The following SYK variants were observed in gnomAD, a reference collection of about 807,000 sequenced individuals.
SYK encodes spleen associated tyrosine kinase.
Under a neutral mutation model 77.8 loss-of-function variants are expected in SYK, and 16 were observed. The ratio of observed to expected loss-of-function variants is 0.21; its 90% CI spans 0.14 to 0.31. The LOEUF (loss-of-function observed/expected upper bound fraction) is 0.31. Among genes scored for constraint, SYK ranks in the 10% least tolerant of loss-of-function variants. The pLI, the probability that SYK is intolerant of heterozygous loss-of-function variation, is 1.00. For missense variants in SYK, 529 were observed against 814.4 expected (o/e 0.65, Z 4.26); for synonymous variants, 312 against 308.7 (o/e 1.01, Z -0.11).
At chr9:90,887,011 A>G (rs1458243585) in intron 11 of SYK, among the ~76,000 whole-genome samples, 1 of 152,182 alleles carries the variant, frequency 6.6e-6, no homozygotes, top group East Asian at 1.9e-4. Context: ...TTACAAAGTT[A>G]TTTACTTGGT....
At chr9:90,817,845 T>TTGTGTGTGTGTGTG (rs746939088) in intron 1 of SYK, among the ~76,000 whole-genome samples, 5,038 of 137,020 alleles carry the variant, frequency 0.037, 141 homozygotes, top group East Asian at 0.089. Flanking sequence ...CTCAATAATG[T>TTGTGTGTGTGTGTG]TGTGTGTGTG....
chr9:90,874,138 T>C (rs1239012575), intron 7 of SYK, 66 bp from the exon 8 acceptor site: 1 of 1,219,200 alleles, frequency 8.2e-7, no homozygotes. Context: ...TAAAAATAAT[T>C]ATGCAGATCA....
intron 1 of SYK, among the ~76,000 whole-genome samples, chr9:90,806,316 A>T (rs979101318): frequency 2.0e-5 from 3 of 151,794 alleles, no homozygotes; most frequent in African/African-American, 7.3e-5. Flanking sequence ...CTTGTCTAAC[A>T]GTTGCTCTTC....
intron 7 of SYK, among the ~76,000 whole-genome samples, chr9:90,870,885 TG>T (rs1421824286): frequency 3.3e-5 from 5 of 152,214 alleles, no homozygotes; most frequent in African/African-American, 1.2e-4. Context: ...CCCAAGAATC[TG>T]GGAGTAAAAA....
intron 9 of SYK, among the ~76,000 whole-genome samples, chr9:90,876,159 C>T (rs7846754): frequency 0.18 from 27,050 of 151,718 alleles, 2,765 homozygotes; most frequent in Admixed American, 0.3. Flanking sequence ...TGGTGGCATA[C>T]ACCTGTAGTC....
At chr9:90,840,006 G>A (rs565003042) in intron 1 of SYK, among the ~76,000 whole-genome samples, 6 of 152,298 alleles carry the variant, frequency 3.9e-5, no homozygotes, top group East Asian at 3.9e-4. Context: ...AGAGGGAGGC[G>A]TCAGGAAGCA....
At position 90,881,679 on chromosome 9, in the gene SYK, C is replaced by CAAAAAA. The variant is rs10526591; in HGVS notation, c.1581+2732_1581+2737dup. Among the ~76,000 whole-genome samples, 45 of 89,396 alleles carry CAAAAAA rather than the reference C, an allele frequency of 5.0e-4. 3 individuals carry two copies. The highest frequency in any genetic ancestry group is 4.9e-3 in the South Asian group (11 of 2,240). 58.6% of individuals were successfully genotyped at this position (89,396 alleles called of 152,430 possible). On this transcript the variant is annotated intron_variant, in intron 11 of 13. Transcript: ENST00000375754. ...TGGCCAACAGAGCAAGACTCTGTCT[C>CAAAAAA]AAAAAAAAAAAGGAATAAAAAGTGA...
chr9:90,886,127 T>C (rs958265456), intron 11 of SYK, among the ~76,000 whole-genome samples: 1 of 152,022 alleles, frequency 6.6e-6, no homozygotes, highest in African/African-American at 2.4e-5. Context: ...ATACAAATAA[T>C]CCTGTTAAAT....
At chr9:90,832,731 C>T (rs1034158113) in intron 1 of SYK, among the ~76,000 whole-genome samples, 15 of 152,238 alleles carry the variant, frequency 9.9e-5, no homozygotes, top group African/African-American at 1.9e-4. Flanking sequence ...TTGCTTCTCT[C>T]GCCCAACTCC....
At chr9:90,838,682 T>C (rs1473173238) in intron 1 of SYK, among the ~76,000 whole-genome samples, 1 of 152,136 alleles carries the variant, frequency 6.6e-6, no homozygotes, top group Non-Finnish European at 1.5e-5. Context: ...CTCAGTTTCG[T>C]GCTTTGGAAT....
intron 1 of SYK, among the ~76,000 whole-genome samples, chr9:90,829,685 A>C (rs115046185): frequency 1.2e-3 from 179 of 152,356 alleles, no homozygotes; most frequent in African/African-American, 4.2e-3. Context: ...TGCCTGACAT[A>C]ATGACTTGCA....
At position 90,897,454 on chromosome 9, in the gene SYK, T is replaced by C. The variant is rs1286215235; in HGVS notation, c.*1854T>C. The C allele has an allele frequency of 4.3e-6, 1 of 232,404 alleles. No individual in the cohort carries two copies. The highest frequency in any genetic ancestry group is 6.1e-5 in the East Asian group (1 of 16,480). The allele number at this position is 232,404 out of a possible 1,614,324, so 14.4% of individuals were successfully genotyped here. ...GGTGTAAAATTATGAAAGGAGTGGT[T>C]GGATGTGCCAAGTTTGGTAAAGTGG... is the stretch of plus-strand genomic sequence containing the variant. On this transcript the variant is annotated 3_prime_UTR_variant, in exon 14 of 14. Coordinates refer to ENST00000375754, the MANE Select transcript of SYK (RefSeq NM_003177.7).
At chr9:90,837,911 C>G (rs4744513) in intron 1 of SYK, among the ~76,000 whole-genome samples, 95,487 of 152,116 alleles carry the variant, frequency 0.63, 30,775 homozygotes, top group African/African-American at 0.75. Flanking sequence ...CCCTGCATCA[C>G]TGTGAGTGGC....
intron 1 of SYK, among the ~76,000 whole-genome samples, chr9:90,817,868 TGTGTGTGTGTGTGTGAGAGA>T (rs1441391768): frequency 1.8e-3 from 78 of 42,288 alleles, no homozygotes; most frequent in African/African-American, 3.9e-3. Context: ...TGTGTGTGTG[TGTGTGTGTGTGTGTGAGAGA>T]GAGAGAGAGA....
chr9:90,868,592 TA>T (rs1827609475), intron 7 of SYK, among the ~76,000 whole-genome samples: 2 of 152,216 alleles, frequency 1.3e-5, no homozygotes, highest in Non-Finnish European at 1.5e-5. Context: ...CAAATATAAA[TA>T]GTTCTTAAAC....
intron 1 of SYK, among the ~76,000 whole-genome samples, chr9:90,803,744 G>C (rs1824706538): frequency 6.6e-6 from 1 of 152,030 alleles, no homozygotes; most frequent in Admixed American, 6.5e-5. Context: ...AGCTTTTTCA[G>C]AATTTGGAAT....
chr9:90,876,733 C>G (rs1457165246), intron 9 of SYK, among the ~76,000 whole-genome samples: 1 of 152,196 alleles, frequency 6.6e-6, no homozygotes. Context: ...CTGAGTCTTT[C>G]AATCTATAAA....
At chr9:90,838,129 C>T (rs368115683) in intron 1 of SYK, among the ~76,000 whole-genome samples, 2 of 152,194 alleles carry the variant, frequency 1.3e-5, no homozygotes, top group Non-Finnish European at 2.9e-5. Flanking sequence ...TTGTCTGTTA[C>T]ACATCCAAGG....
intron 7 of SYK, among the ~76,000 whole-genome samples, chr9:90,871,317 T>C (rs1827718238): frequency 6.6e-6 from 1 of 152,246 alleles, no homozygotes; most frequent in South Asian, 2.1e-4. Context: ...TGTTGCTCAC[T>C]GTGCAGAACA....
Sources: gnomAD v4.1 joint callset for allele counts (sites outside exome capture counted in the v4.1 genomes callset) on GRCh38, gnomAD v4.1.1 for gene constraint, MANE v1.5 for transcripts, NCBI Gene and HGNC (gene_info 2026-07-23, HGNC 2026-07-21) for gene names.